NUMB: variants seen among roughly 807,000 people sequenced by gnomAD.
NUMB encodes the protein NUMB endocytic adaptor protein, also known as protein numb homolog.
Under a neutral mutation model 59.7 loss-of-function variants are expected in NUMB, and 29 were observed. That is an observed-to-expected ratio of 0.49 (90% CI 0.36 to 0.66). The LOEUF (loss-of-function observed/expected upper bound fraction) is 0.66, where lower values mean the gene tolerates loss of function less well. Ranked by LOEUF, NUMB falls within the 30% of genes least tolerant of loss-of-function variation. The pLI is 0.00. For synonymous variants in NUMB, 288 were observed against 288.2 expected, an observed-to-expected ratio of 1.00 and a Z score of 0.01; for missense variants, 723 against 822.0, an observed-to-expected ratio of 0.88 and a Z score of 1.47.
intron 1 of NUMB, among the ~76,000 whole-genome samples, chr14:73,412,003 C>A (rs908842296): frequency 1.4e-5 from 2 of 146,184 alleles, no homozygotes; most frequent in South Asian, 2.1e-4. Context: ...TGCCTCACTG[C>A]AGTCTCAAAC....
At chr14:73,396,894 G>C (rs969366543) in intron 2 of NUMB, among the ~76,000 whole-genome samples, 1 of 152,100 alleles carries the variant, frequency 6.6e-6, no homozygotes. Context: ...AGGCTGAGTT[G>C]GGCAGATCAC....
intron 4 of NUMB, among the ~76,000 whole-genome samples, chr14:73,353,075 T>TTTTTTTTTTTG (rs1893536767): frequency 1.4e-5 from 1 of 73,066 alleles, no homozygotes; most frequent in East Asian, 4.2e-4. Flanking sequence ...TTTTCTTGTT[T>TTTTTTTTTTTG]TTTTTTTTTT....
chr14:73,444,729 C>T (rs1266052393), intron 1 of NUMB, among the ~76,000 whole-genome samples: 8 of 151,848 alleles, frequency 5.3e-5, no homozygotes, highest in African/African-American at 4.8e-5. Flanking sequence ...TGGTGGCGTG[C>T]GCCTGTAGTC....
chr14:73,383,537 G>A (rs573710061), intron 2 of NUMB, among the ~76,000 whole-genome samples: 153 of 152,240 alleles, frequency 1.0e-3, no homozygotes, highest in African/African-American at 3.6e-3. Flanking sequence ...GGAACTGAAA[G>A]AATGAGACAG....
intron 2 of NUMB, among the ~76,000 whole-genome samples, chr14:73,408,004 G>A (rs1415752479): frequency 3.3e-5 from 5 of 152,140 alleles, no homozygotes; most frequent in African/African-American, 1.2e-4. Flanking sequence ...GAGGCGGGCA[G>A]ATCACAAGGT....
Position 73,357,383 on chromosome 14 carries a change from A to G in NUMB, c.-15-1617T>C, listed in dbSNP as rs369937112. Among the ~76,000 whole-genome samples the G allele has an allele frequency of 5.9e-4, 86 of 146,816 alleles. 1 individual carries two copies. The highest frequency in any genetic ancestry group is 2.1e-3 in the African/African-American group (84 of 39,856). On this transcript the variant is annotated intron_variant, in intron 3 of 12. Coordinates refer to ENST00000555238, the MANE Select transcript of NUMB (RefSeq NM_001005743.2). ...GCGCCACTTCACTCCAGCCTAGGCA[A>G]AAGAGAGAAACTCTGTCAAAAAAAA...
At chr14:73,325,499 A>T (rs1462625467) in intron 4 of NUMB, among the ~76,000 whole-genome samples, 2 of 152,180 alleles carry the variant, frequency 1.3e-5, no homozygotes, top group Admixed American at 6.5e-5. Context: ...ATAAAAAACA[A>T]AAATCCACCT....
chr14:73,293,363 C>G (rs1889527945), intron 7 of NUMB, among the ~76,000 whole-genome samples: 1 of 150,520 alleles, frequency 6.6e-6, no homozygotes, highest in Non-Finnish European at 1.5e-5. Flanking sequence ...CTGTATTTTT[C>G]AGGTGTGGAA....
At chr14:73,429,228 C>T (rs936781164) in intron 1 of NUMB, among the ~76,000 whole-genome samples, 2 of 151,996 alleles carry the variant, frequency 1.3e-5, no homozygotes, top group South Asian at 2.1e-4. Flanking sequence ...AAAAATTAGC[C>T]GGGCGTGGTG....
intron 4 of NUMB, among the ~76,000 whole-genome samples, chr14:73,339,056 C>T (rs1892497315): frequency 6.6e-6 from 1 of 152,144 alleles, no homozygotes; most frequent in Non-Finnish European, 1.5e-5. Flanking sequence ...AGGTATCTTA[C>T]CCACTGCAAT....
At chr14:73,369,706 T>C (rs773930523) in intron 2 of NUMB, among the ~76,000 whole-genome samples, 1 of 152,214 alleles carries the variant, frequency 6.6e-6, no homozygotes, top group Non-Finnish European at 1.5e-5. Context: ...CAGATTTACA[T>C]ATGATACAAA....
chr14:73,440,133 T>C (rs1380001735), intron 1 of NUMB, among the ~76,000 whole-genome samples: 2 of 151,956 alleles, frequency 1.3e-5, no homozygotes, highest in Non-Finnish European at 2.9e-5. Context: ...TATTAAACTT[T>C]GTAACAAACC....
chr14:73,457,443 G>A (rs914561311), intron 1 of NUMB, among the ~76,000 whole-genome samples: 6 of 152,158 alleles, frequency 3.9e-5, no homozygotes, highest in African/African-American at 1.2e-4. Context: ...TGGCTCCACT[G>A]TTAATTTCTC....
At chr14:73,397,348 G>GAT (rs1304129264) in intron 2 of NUMB, among the ~76,000 whole-genome samples, 1 of 152,166 alleles carries the variant, frequency 6.6e-6, no homozygotes, top group East Asian at 1.9e-4. Flanking sequence ...TCATTGATAT[G>GAT]ATATATATGC....
intron 2 of NUMB, among the ~76,000 whole-genome samples, chr14:73,399,542 G>A (rs1189208404): frequency 1.3e-5 from 2 of 151,892 alleles, no homozygotes; most frequent in Non-Finnish European, 2.9e-5. Context: ...CAGCCTGGGC[G>A]ACAAGAGAGA....
At chr14:73,371,733 C>CT (rs1282131645) in intron 2 of NUMB, among the ~76,000 whole-genome samples, 1 of 152,078 alleles carries the variant, frequency 6.6e-6, no homozygotes, top group Non-Finnish European at 1.5e-5. Context: ...GGGATTAAGG[C>CT]TTCGTGCAGC....
At chr14:73,279,071 G>C (rs1263115630) in intron 12 of NUMB, among the ~76,000 whole-genome samples, 1 of 152,162 alleles carries the variant, frequency 6.6e-6, no homozygotes, top group Admixed American at 6.5e-5. Context: ...CTGTTCCACA[G>C]TCCTGTTCCA....
At chr14:73,425,894 C>T (rs963567205) in intron 1 of NUMB, among the ~76,000 whole-genome samples, 1 of 151,050 alleles carries the variant, frequency 6.6e-6, no homozygotes. Context: ...CTGCAACCTC[C>T]GCCTCCCAGG....
At chr14:73,282,670 G>A (rs1384715435) in intron 10 of NUMB, among the ~76,000 whole-genome samples, 165 bp from the exon 11 acceptor site, 2 of 152,140 alleles carry the variant, frequency 1.3e-5, no homozygotes, top group Non-Finnish European at 2.9e-5. Flanking sequence ...AAATTTACTG[G>A]CCACAATTTC....
Sources: allele counts gnomAD v4.1 joint callset (sites outside exome capture counted in the v4.1 genomes callset), GRCh38; gene constraint gnomAD v4.1.1; transcripts MANE v1.5; gene names NCBI Gene and HGNC (gene_info 2026-07-23, HGNC 2026-07-21).